Variants in GALNTL6 observed in about 807,000 individuals in gnomAD.
GALNTL6 encodes polypeptide N-acetylgalactosaminyltransferase like 6.
A neutral mutation model predicts 73.7 loss-of-function variants in GALNTL6; 46 were observed. That is an observed-to-expected ratio of 0.62 (90% CI 0.49 to 0.80). The LOEUF is 0.80. Among genes scored for constraint, GALNTL6 ranks in the 30% least tolerant of loss-of-function variants. GALNTL6 has a pLI of 0.00. For missense variants in GALNTL6, 604 were observed against 755.0 expected (o/e 0.80, Z 2.34); for synonymous variants, 259 against 263.7 (o/e 0.98, Z 0.17).
At chr4:172,547,149 T>C (rs972545352) in intron 5 of GALNTL6, among the ~76,000 whole-genome samples, 4 of 152,008 alleles carry the variant, frequency 2.6e-5, no homozygotes, top group Admixed American at 2.6e-4. Context: ...TTTGAGATGT[T>C]TCCCATTGGG....
chr4:172,208,735 A>T (rs146767945), intron 2 of GALNTL6, among the ~76,000 whole-genome samples: 1 of 152,128 alleles, frequency 6.6e-6, no homozygotes, highest in South Asian at 2.1e-4. Flanking sequence ...GAAAGTTAAG[A>T]TTGCATTTTC....
intron 2 of GALNTL6, among the ~76,000 whole-genome samples, chr4:172,157,007 C>T (rs1734309013): frequency 6.6e-6 from 1 of 151,844 alleles, no homozygotes; most frequent in South Asian, 2.1e-4. Context: ...CATAAAGCTG[C>T]TTTGTGTTCA....
At chr4:171,900,150 A>G (rs1316040972) in intron 2 of GALNTL6, among the ~76,000 whole-genome samples, 1 of 152,202 alleles carries the variant, frequency 6.6e-6, no homozygotes, top group Non-Finnish European at 1.5e-5. Flanking sequence ...CATATTTACT[A>G]TAGAAAATTG....
chr4:171,902,293 T>C (rs748994201), intron 2 of GALNTL6, among the ~76,000 whole-genome samples: 2 of 152,190 alleles, frequency 1.3e-5, no homozygotes, highest in South Asian at 2.1e-4. Context: ...AAGTATATTA[T>C]CACAGAGTGC....
intron 12 of GALNTL6, among the ~76,000 whole-genome samples, chr4:173,028,583 T>TA (rs1171091189): frequency 6.6e-6 from 1 of 152,122 alleles, no homozygotes; most frequent in African/African-American, 2.4e-5. Flanking sequence ...AAGAACTTTT[T>TA]AAAAAATGTC....
At chr4:172,284,655 AT>A (rs1424532887) in intron 3 of GALNTL6, among the ~76,000 whole-genome samples, 1 of 151,864 alleles carries the variant, frequency 6.6e-6, no homozygotes, top group Non-Finnish European at 1.5e-5. Context: ...TTTTGTGTTG[AT>A]TTTTGTGTAT....
In GALNTL6 at chr4:172,348,610, G is replaced by T. The variant is rs1741836115; in HGVS notation, c.474G>T (p.Arg158=). The T allele has an allele frequency of 6.2e-7, 1 of 1,612,390 alleles. No homozygotes were observed. Among genetic ancestry groups the T allele is most frequent in the African/African-American group, 1.3e-5 (1 of 74,844 alleles). Residue 158 remains arginine, a synonymous_variant, in exon 5 of 13, where the codon CGG becomes CGT. Coordinates refer to ENST00000506823, the MANE Select transcript of GALNTL6 (RefSeq NM_001034845.3). ...FHNEGWTSLL[R]TIHSIINRTP... ...ATGAAGGTTGGACTTCACTCCTGCG[G>T]ACCATACACAGTATAATTAACCGAA...
chr4:172,614,141 A>G (rs552151024), intron 5 of GALNTL6, among the ~76,000 whole-genome samples: 3 of 130,488 alleles, frequency 2.3e-5, no homozygotes, highest in Admixed American at 2.2e-4. Flanking sequence ...TCTATCATCT[A>G]TCTGTCATTC....
At chr4:172,571,182 A>G (rs1191401480) in intron 5 of GALNTL6, among the ~76,000 whole-genome samples, 1 of 152,212 alleles carries the variant, frequency 6.6e-6, no homozygotes, top group African/African-American at 2.4e-5. Context: ...CTAGCGAACT[A>G]ACACAGATCA....
At chr4:172,454,065 C>T (rs1579085807) in intron 5 of GALNTL6, among the ~76,000 whole-genome samples, 1 of 152,112 alleles carries the variant, frequency 6.6e-6, no homozygotes, top group African/African-American at 2.4e-5. Context: ...GCCCATTGCA[C>T]ATTTATAATG....
At chr4:172,531,967 C>T (rs1189809990) in intron 5 of GALNTL6, among the ~76,000 whole-genome samples, 1 of 152,196 alleles carries the variant, frequency 6.6e-6, no homozygotes, top group Non-Finnish European at 1.5e-5. Flanking sequence ...TTAAGAGTTT[C>T]TGGACAGCAA....
intron 2 of GALNTL6, among the ~76,000 whole-genome samples, chr4:172,087,191 C>A: frequency 6.6e-6 from 1 of 152,140 alleles, no homozygotes; most frequent in East Asian, 1.9e-4. Context: ...CGCCTGTAAT[C>A]CCGGCACTTT....
chr4:172,299,920 C>G (rs1305680734), intron 3 of GALNTL6, among the ~76,000 whole-genome samples: 1 of 152,096 alleles, frequency 6.6e-6, no homozygotes, highest in Non-Finnish European at 1.5e-5. Context: ...TCCTGGATAT[C>G]CTTGTGAACT....
At chr4:172,516,257 C>A (rs1275863244) in intron 5 of GALNTL6, among the ~76,000 whole-genome samples, 1 of 152,162 alleles carries the variant, frequency 6.6e-6, no homozygotes, top group African/African-American at 2.4e-5. Context: ...ACTAGACCTA[C>A]TGAACCAGAA....
chr4:172,710,598 G>T (rs550022566), intron 5 of GALNTL6, among the ~76,000 whole-genome samples: 2 of 152,196 alleles, frequency 1.3e-5, no homozygotes, highest in East Asian at 1.9e-4. Flanking sequence ...TTGCTGTTTT[G>T]ATTCCAAATT....
At chr4:172,822,351 G>C (rs779012738) in intron 7 of GALNTL6, among the ~76,000 whole-genome samples, 25 of 151,940 alleles carry the variant, frequency 1.6e-4, no homozygotes, top group Non-Finnish European at 3.1e-4. Flanking sequence ...TTCAATCATA[G>C]GTAGCCTGGT....
Position 172,650,729 on chromosome 4 carries a change from A to T in GALNTL6, c.554-158632A>T, listed in dbSNP as rs866982826. ...AATGGACTTTGGGAACAGAATGTAA[A>T]GAATTGACTTTGAATAACAGTATTT... is the stretch of plus-strand genomic sequence containing the variant. On this transcript the variant is annotated intron_variant, in intron 5 of 12. Transcript: ENST00000506823. Among the ~76,000 whole-genome samples, 3 of 152,336 alleles carry T rather than the reference A, an allele frequency of 2.0e-5. No individual in the cohort carries two copies. The Middle Eastern group carries it at 0.01, about 518-fold the overall frequency.
In GALNTL6 at chr4:172,202,496, AAC is replaced by A. The variant is rs1252100519; in HGVS notation, c.139-27156_139-27155del. Among the ~76,000 whole-genome samples the A allele has an allele frequency of 2.6e-5, 4 of 152,218 alleles. No homozygotes were observed. The East Asian group carries it at 7.7e-4, about 29-fold the overall frequency. On this transcript the variant is annotated intron_variant, in intron 2 of 12. Transcript: ENST00000506823. ...ACGATCAAATATGTGTGTATATAGAAACACAAATATTGACATACATACTTACA... is the reference window on the plus strand; with the variant it reads ...ACGATCAAATATGTGTGTATATAGAAACAAATATTGACATACATACTTACA...
chr4:171,986,523 A>G (rs530671202), intron 2 of GALNTL6, among the ~76,000 whole-genome samples: 359 of 152,170 alleles, frequency 2.4e-3, no homozygotes, highest in Non-Finnish European at 4.4e-3. Context: ...AAGTGTTGGG[A>G]TGGTGAAAAT....
Sources: gnomAD v4.1 joint callset for allele counts (sites outside exome capture counted in the v4.1 genomes callset) on GRCh38, gnomAD v4.1.1 for gene constraint, MANE v1.5 for transcripts, NCBI Gene and HGNC (gene_info 2026-07-23, HGNC 2026-07-21) for gene names.